FHIT: variants seen among roughly 807,000 people sequenced by gnomAD.
The protein encoded by FHIT is fragile histidine triad diadenosine triphosphatase.
A neutral mutation model predicts 17.9 loss-of-function variants in FHIT; 19 were observed. That is an observed-to-expected ratio of 1.06 (90% CI 0.74 to 1.56). The LOEUF is 1.56. Ranked by LOEUF, FHIT falls within the 40% of genes most tolerant of loss-of-function variation. The pLI, the probability that FHIT is intolerant of heterozygous loss-of-function variation, is 0.00. For synonymous variants in FHIT, 81 were observed against 69.7 expected, an observed-to-expected ratio of 1.16 and a Z score of -0.81; for missense variants, 248 against 189.2, an observed-to-expected ratio of 1.31 and a Z score of -1.82.
chr3:60,488,238 T>C (rs950117522), intron 5 of FHIT, among the ~76,000 whole-genome samples: 1 of 152,218 alleles, frequency 6.6e-6, no homozygotes, highest in Non-Finnish European at 1.5e-5. Flanking sequence ...TTTGAGATGC[T>C]CGGTCCATCG....
chr3:59,947,982 T>A (rs1706907598), intron 7 of FHIT, among the ~76,000 whole-genome samples: 1 of 152,182 alleles, frequency 6.6e-6, no homozygotes, highest in Non-Finnish European at 1.5e-5. Flanking sequence ...TAATAGTTTG[T>A]TCCTTTTTAT....
chr3:60,400,100 A>C (rs1169611039), intron 5 of FHIT, among the ~76,000 whole-genome samples: 5 of 152,146 alleles, frequency 3.3e-5, no homozygotes, highest in African/African-American at 1.2e-4. Flanking sequence ...GTGCTCTTTT[A>C]GGTAGGATTG....
intron 5 of FHIT, among the ~76,000 whole-genome samples, chr3:60,472,620 C>T (rs1011649589): frequency 6.6e-6 from 1 of 152,124 alleles, no homozygotes; most frequent in African/African-American, 2.4e-5. Context: ...CCGCCCGTCT[C>T]GGCCTCCCAA....
At chr3:60,752,085 G>A (rs782377461) in intron 4 of FHIT, among the ~76,000 whole-genome samples, 1 of 152,154 alleles carries the variant, frequency 6.6e-6, no homozygotes, top group African/African-American at 2.4e-5. Context: ...CACGCATAAT[G>A]AGACATTTGT....
chr3:61,035,663 C>T (rs968418227), intron 3 of FHIT, among the ~76,000 whole-genome samples: 11 of 152,230 alleles, frequency 7.2e-5, no homozygotes, highest in East Asian at 1.9e-4. Context: ...CATATGTAAA[C>T]TGAAAGGATT....
chr3:61,147,322 A>G (rs1433211113), intron 2 of FHIT, among the ~76,000 whole-genome samples: 3 of 152,074 alleles, frequency 2.0e-5, no homozygotes, highest in Non-Finnish European at 2.9e-5. Context: ...TATATAATAC[A>G]TTAGGCAACT....
intron 1 of FHIT, among the ~76,000 whole-genome samples, chr3:61,209,986 T>A (rs1488309911): frequency 2.0e-5 from 3 of 152,164 alleles, no homozygotes; most frequent in Admixed American, 6.5e-5. Context: ...ACAGATGGGT[T>A]TTTGGTGTGG....
At chr3:60,467,313 C>G (rs879288644) in intron 5 of FHIT, among the ~76,000 whole-genome samples, 1 of 151,138 alleles carries the variant, frequency 6.6e-6, no homozygotes, top group Non-Finnish European at 1.5e-5. Flanking sequence ...TTTCATTTAC[C>G]TTTTGTATTT....
At chr3:60,847,288 T>C (rs1702960690) in intron 3 of FHIT, among the ~76,000 whole-genome samples, 2 of 152,186 alleles carry the variant, frequency 1.3e-5, no homozygotes. Context: ...ACCTTTTCTT[T>C]CCAAGATGGC....
chr3:59,938,014 C>T (rs1355880666), intron 7 of FHIT, among the ~76,000 whole-genome samples: 2 of 152,146 alleles, frequency 1.3e-5, no homozygotes, highest in African/African-American at 2.4e-5. Context: ...CCAAGTGGAG[C>T]TGCAACTTTT....
chr3:60,323,516 G>A lies in FHIT; in HGVS notation c.103+213344C>T, dbSNP rs78263510. Among the ~76,000 whole-genome samples the A allele has an allele frequency of 4.2e-3, 638 of 152,128 alleles. 4 individuals are homozygous for A. The highest frequency in any genetic ancestry group is 0.015 in the African/African-American group (603 of 41,502). On this transcript the variant is annotated intron_variant, in intron 5 of 9. Coordinates refer to ENST00000492590, the MANE Select transcript of FHIT (RefSeq NM_002012.4). The stretch of plus-strand genomic sequence containing the variant: ...ACAACCTGGTATATGGTACAACATC[G>A]CCCTGCAGGCTGGAAACAAGGCCAG...
chr3:60,076,664 G>A (rs1427204886), intron 5 of FHIT, among the ~76,000 whole-genome samples: 1 of 152,002 alleles, frequency 6.6e-6, no homozygotes, highest in Non-Finnish European at 1.5e-5. Context: ...CTAACAGAGT[G>A]ATAATAATGG....
At chr3:60,892,011 G>A (rs1256631335) in intron 3 of FHIT, among the ~76,000 whole-genome samples, 8 of 152,150 alleles carry the variant, frequency 5.3e-5, no homozygotes, top group Non-Finnish European at 2.9e-5. Context: ...GACCTTAAAG[G>A]TGATTTGGTC....
intron 5 of FHIT, among the ~76,000 whole-genome samples, chr3:60,396,827 A>G (rs1701460293): frequency 6.6e-6 from 1 of 152,206 alleles, no homozygotes; most frequent in Admixed American, 6.5e-5. Flanking sequence ...TCAAAATGAA[A>G]AAATAGAAAG....
At chr3:59,774,654 A>T (rs685970) in intron 8 of FHIT, among the ~76,000 whole-genome samples, 122,803 of 152,120 alleles carry the variant, frequency 0.81, 50,309 homozygotes, top group East Asian at 1. Context: ...TTTTGCTTTA[A>T]CTTTTTTTCC....
chr3:59,899,716 T>C (rs1704238655), intron 8 of FHIT, among the ~76,000 whole-genome samples: 1 of 151,690 alleles, frequency 6.6e-6, no homozygotes, highest in South Asian at 2.1e-4. Context: ...TATGGCAGCA[T>C]ACGCCTGTAG....
chr3:61,056,554 G>T (rs569823406), intron 2 of FHIT, among the ~76,000 whole-genome samples: 3 of 152,132 alleles, frequency 2.0e-5, no homozygotes, highest in African/African-American at 7.2e-5. Flanking sequence ...AGGTGGTCAG[G>T]GGAGGCCTTC....
Position 60,496,750 on chromosome 3 carries a change from T to C in FHIT, c.103+40110A>G, listed in dbSNP as rs146721545. 3.6e-3 allele frequency among the ~76,000 whole-genome samples: 546 copies of C among 152,190 alleles called. 5 individuals are homozygous for C. Among genetic ancestry groups the C allele is most frequent in the Non-Finnish European group, 6.5e-3 (439 of 67,986 alleles). On this transcript the variant is annotated intron_variant, in intron 5 of 9. Transcript: ENST00000492590. ...ACAACCTTTAAAAAGGAATAGGAAATTAATTTGTCTTCCACTCAGGGACTA... is the reference window on the plus strand; with the variant it reads ...ACAACCTTTAAAAAGGAATAGGAAACTAATTTGTCTTCCACTCAGGGACTA...
intron 3 of FHIT, among the ~76,000 whole-genome samples, chr3:60,871,445 A>C (rs1424394691): frequency 6.6e-6 from 1 of 152,134 alleles, no homozygotes; most frequent in Non-Finnish European, 1.5e-5. Flanking sequence ...AAGTCTAATA[A>C]CATAACACTG....
Sources: gnomAD v4.1 joint callset for allele counts (sites outside exome capture counted in the v4.1 genomes callset) on GRCh38, gnomAD v4.1.1 for gene constraint, MANE v1.5 for transcripts, NCBI Gene and HGNC (gene_info 2026-07-23, HGNC 2026-07-21) for gene names.